RPH3A: variants seen among roughly 807,000 people sequenced by gnomAD.
RPH3A encodes the protein rabphilin-3A.
In RPH3A, 48 loss-of-function variants were observed where a neutral mutation model predicts 102.2. The observed-to-expected ratio is 0.47, with a 90% CI of 0.37 to 0.60. The LOEUF (loss-of-function observed/expected upper bound fraction) is 0.60. RPH3A is among the 20% of genes least tolerant of loss of function. RPH3A has a pLI of 0.00. For missense variants in RPH3A, 781 were observed against 910.1 expected, an observed-to-expected ratio of 0.86 and a Z score of 1.83; for synonymous variants, 310 against 324.3, an observed-to-expected ratio of 0.96 and a Z score of 0.47.
Position 112,835,991 on chromosome 12 carries a change from G to A in RPH3A, c.72-500G>A, listed in dbSNP as rs964045067. 4.6e-5 allele frequency among the ~76,000 whole-genome samples: 7 copies of A among 152,312 alleles called. No individual in the cohort carries two copies. The East Asian group carries it at 1.4e-3, about 29-fold the overall frequency. ...TGGAAGGAGGAAACTGAGGCACAAAGAGATGATATGACCTGCTTTTGGTTG... is the reference window on the plus strand; with the variant it reads ...TGGAAGGAGGAAACTGAGGCACAAAAAGATGATATGACCTGCTTTTGGTTG... On this transcript the variant is annotated intron_variant, in intron 3 of 21. Transcript: ENST00000389385.
upstream of RPH3A, among the ~76,000 whole-genome samples, chr12:112,790,572 C>T (rs546634622): frequency 2.6e-5 from 4 of 152,262 alleles, no homozygotes; most frequent in African/African-American, 4.8e-5. Flanking sequence ...GATTTCCTGG[C>T]CTTTTTCCAA....
At chr12:112,677,209 T>G (rs1004594639) in intron 1 of RPH3A, among the ~76,000 whole-genome samples, 1 of 152,146 alleles carries the variant, frequency 6.6e-6, no homozygotes, top group East Asian at 1.9e-4. Flanking sequence ...TGCTTACAAG[T>G]GCGGCAAACA....
Position 112,733,422 on chromosome 12 carries a change from TG to T in RPH3A, c.-139-58716del, listed in dbSNP as rs201368384. On this transcript the variant is annotated intron_variant, in intron 1 of 21. Transcript: ENST00000543106. ...ATAGTTAGGGGTGCAAGAGGCTTAC[TG>T]GGGGTTAATGCCTGTGAAAGATAAA... Among the ~76,000 whole-genome samples, 549 of 152,232 alleles carry T rather than the reference TG, an allele frequency of 3.6e-3. 4 individuals are homozygous for T. Among genetic ancestry groups the T allele is most frequent in the African/African-American group, 0.013 (523 of 41,528 alleles).
chr12:112,884,077 G>A (rs980196707), intron 16 of RPH3A, among the ~76,000 whole-genome samples: 3 of 152,138 alleles, frequency 2.0e-5, no homozygotes, highest in Middle Eastern at 3.4e-3. Context: ...GCCATGAAAA[G>A]ACATTTAAAT....
intron 1 of RPH3A, among the ~76,000 whole-genome samples, chr12:112,733,746 A>G (rs1176122849): frequency 1.3e-5 from 2 of 152,218 alleles, no homozygotes; most frequent in Non-Finnish European, 1.5e-5. Flanking sequence ...CCAAGTGAGG[A>G]TTAAAGACAA....
At chr12:112,883,570 G>T (rs913253467) in intron 16 of RPH3A, among the ~76,000 whole-genome samples, 168 bp downstream of exon 16, 6 of 152,030 alleles carry the variant, frequency 3.9e-5, no homozygotes, top group African/African-American at 7.2e-5. Context: ...ATATTTGGTA[G>T]AACTTTTGGA....
At chr12:112,716,414 C>T (rs2040513780) in intron 1 of RPH3A, among the ~76,000 whole-genome samples, 1 of 152,182 alleles carries the variant, frequency 6.6e-6, no homozygotes, top group Non-Finnish European at 1.5e-5. Flanking sequence ...GAGTTAGAGT[C>T]CTGGTTTGCC....
chr12:112,850,040 A>G (rs564093722), intron 5 of RPH3A, among the ~76,000 whole-genome samples: 1 of 152,230 alleles, frequency 6.6e-6, no homozygotes, highest in East Asian at 1.9e-4. Flanking sequence ...GCCCTGCTGT[A>G]TTCTCCCTAC....
chr12:112,841,065 T>C (rs1021356882), intron 4 of RPH3A, among the ~76,000 whole-genome samples: 2 of 150,776 alleles, frequency 1.3e-5, no homozygotes, highest in Non-Finnish European at 2.9e-5. Flanking sequence ...CTGTTAAGCT[T>C]GGTGTGGTGA....
intron 1 of RPH3A, among the ~76,000 whole-genome samples, chr12:112,753,422 C>A (rs1328885195): frequency 6.6e-6 from 1 of 152,142 alleles, no homozygotes; most frequent in African/African-American, 2.4e-5. Flanking sequence ...AATAAGGAAA[C>A]AAGTAATGCA....
intron 5 of RPH3A, among the ~76,000 whole-genome samples, chr12:112,856,067 G>A (rs915302397): frequency 2.6e-5 from 4 of 152,300 alleles, no homozygotes; most frequent in Non-Finnish European, 4.4e-5. Context: ...GCATCCCATC[G>A]GTTGGTGGAA....
chr12:112,696,036 A>G (rs1028409340), intron 1 of RPH3A, among the ~76,000 whole-genome samples: 1 of 152,090 alleles, frequency 6.6e-6, no homozygotes, highest in Non-Finnish European at 1.5e-5. Flanking sequence ...TATTCTTATG[A>G]CTTTGCATCC....
At chr12:112,796,315 G>A (rs1481166302) in intron 2 of RPH3A, among the ~76,000 whole-genome samples, 1 of 152,160 alleles carries the variant, frequency 6.6e-6, no homozygotes, top group Non-Finnish European at 1.5e-5. Context: ...GGAAACCTGA[G>A]CCTTCCTTCC....
chr12:112,652,665 T>C (rs1337484232), intron 1 of RPH3A, among the ~76,000 whole-genome samples: 3 of 152,216 alleles, frequency 2.0e-5, no homozygotes, highest in Non-Finnish European at 2.9e-5. Flanking sequence ...CTCTGCCCCA[T>C]GCAAAAACTC....
At chr12:112,752,439 A>G (rs1393115446) in intron 1 of RPH3A, among the ~76,000 whole-genome samples, 1 of 152,162 alleles carries the variant, frequency 6.6e-6, no homozygotes, top group Non-Finnish European at 1.5e-5. Flanking sequence ...TTATCTTTTC[A>G]ATGCATAAAC....
chr12:112,682,067 G>C (rs929421069), intron 1 of RPH3A, among the ~76,000 whole-genome samples: 1 of 152,134 alleles, frequency 6.6e-6, no homozygotes, highest in Non-Finnish European at 1.5e-5. Context: ...TAACACATTA[G>C]TTTCTTTTTC....
chr12:112,812,035 A>G (rs1030137871), intron 2 of RPH3A, among the ~76,000 whole-genome samples: 1 of 150,908 alleles, frequency 6.6e-6, no homozygotes, highest in Admixed American at 6.6e-5. Context: ...TGTCTCATCC[A>G]GCTTCAGTTT....
chr12:112,797,617 G>A (rs1041265925), intron 2 of RPH3A, among the ~76,000 whole-genome samples: 20 of 152,042 alleles, frequency 1.3e-4, no homozygotes, highest in Non-Finnish European at 2.4e-4. Flanking sequence ...TTGTGGCAAG[G>A]CCTTAATAAT....
At chr12:112,686,163 C>T (rs913611533) in intron 1 of RPH3A, among the ~76,000 whole-genome samples, 8 of 152,076 alleles carry the variant, frequency 5.3e-5, no homozygotes, top group Non-Finnish European at 1.0e-4. Context: ...CTAATTCATT[C>T]CCTCTGTGAT....
Sources: gnomAD v4.1 joint callset for allele counts (sites outside exome capture counted in the v4.1 genomes callset) on GRCh38, gnomAD v4.1.1 for gene constraint, MANE v1.5 for transcripts, NCBI Gene and HGNC (gene_info 2026-07-23, HGNC 2026-07-21) for gene names.